Variants in TLE1 observed in about 807,000 individuals in gnomAD.
TLE1 encodes the protein transducin-like enhancer protein 1.
TLE1 carries 21 observed loss-of-function variants against 89.8 expected under a neutral mutation model. The observed-to-expected ratio is 0.23, with a 90% CI of 0.17 to 0.34. The LOEUF is 0.34. Ranked by LOEUF, TLE1 falls within the 10% of genes least tolerant of loss-of-function variation. The pLI is 1.00. For synonymous variants in TLE1, 447 were observed against 407.6 expected (o/e 1.10, Z -1.16); for missense variants, 795 against 1,031.2 (o/e 0.77, Z 3.14).
chr9:81,681,503 CTG>C (rs1434124246), intron 4 of TLE1, among the ~76,000 whole-genome samples: 1 of 151,490 alleles, frequency 6.6e-6, no homozygotes, highest in Non-Finnish European at 1.5e-5. Flanking sequence ...TGAGCCGAGA[CTG>C]TGCCACCACA....
At chr9:81,635,548 C>T (rs1239776788) in intron 6 of TLE1, among the ~76,000 whole-genome samples, 1 of 152,162 alleles carries the variant, frequency 6.6e-6, no homozygotes, top group Non-Finnish European at 1.5e-5. Context: ...CAATATAAAA[C>T]TTATTTTTGA....
In TLE1 at chr9:81,611,538, C is replaced by A. The variant is rs895606102; in HGVS notation, c.1254+231G>T. On this transcript the variant is annotated intron_variant, in intron 13 of 19. Coordinates refer to ENST00000376499, the MANE Select transcript of TLE1 (RefSeq NM_005077.5). ...ACACTGCCTTTTTCATCCACAAAAACACTAAAACAAAAAACGTTTGGCCCT... is the reference window on the plus strand; with the variant it reads ...ACACTGCCTTTTTCATCCACAAAAAAACTAAAACAAAAAACGTTTGGCCCT... 7.9e-5 allele frequency among the ~76,000 whole-genome samples: 12 copies of A among 152,218 alleles called. 1 individual carries two copies. The highest frequency in any genetic ancestry group is 7.2e-4 in the Admixed American group (11 of 15,284).
intron 2 of TLE1, 41 bp downstream of exon 2, chr9:81,687,293 G>A (rs764003346): frequency 5.0e-5 from 78 of 1,555,396 alleles, no homozygotes; most frequent in Non-Finnish European, 6.4e-5. Context: ...AGGGGCACCG[G>A]GACGCCCGCG....
chr9:81,587,886 G>A (rs1295091953), intron 16 of TLE1, 58 bp from the exon 17 acceptor site: 3 of 1,597,702 alleles, frequency 1.9e-6, no homozygotes, highest in Non-Finnish European at 2.6e-6. Context: ...GGTAAACACT[G>A]TTGTGTTGTT....
At chr9:81,616,743 T>G in intron 9 of TLE1, 44 bp from the exon 10 acceptor site, 1 of 1,608,256 alleles carries the variant, frequency 6.2e-7, no homozygotes, top group Non-Finnish European at 8.5e-7. Context: ...AAGCTAAGAA[T>G]AGGTTTGAGG....
chr9:81,585,217 C>A (rs56321152), intron 18 of TLE1, among the ~76,000 whole-genome samples: 7,713 of 152,166 alleles, frequency 0.051, 261 homozygotes, highest in Middle Eastern at 0.12. Flanking sequence ...TTCCCGCCCA[C>A]CCCTCTTCAG....
intron 14 of TLE1, among the ~76,000 whole-genome samples, chr9:81,595,882 G>C (rs1170237876): frequency 1.3e-5 from 2 of 151,878 alleles, no homozygotes; most frequent in Admixed American, 1.3e-4. Context: ...TTAAAGGATG[G>C]TGTTTAAGAT....
intron 11 of TLE1, among the ~76,000 whole-genome samples, chr9:81,614,903 G>T (rs1021391361): frequency 6.6e-6 from 1 of 151,094 alleles, no homozygotes; most frequent in Non-Finnish European, 1.5e-5. Context: ...TAAGAATCTC[G>T]GAAGTTTGAG....
intron 4 of TLE1, among the ~76,000 whole-genome samples, chr9:81,679,233 C>A (rs1013481771): frequency 6.6e-6 from 1 of 152,106 alleles, no homozygotes; most frequent in African/African-American, 2.4e-5. Context: ...TCAACACTTC[C>A]TGGATTTTCA....
rs562533382 is a variant in TLE1 at position 81,588,344 on chromosome 9, C to T, written c.1830-516G>A. Among the ~76,000 whole-genome samples, 17 of 152,242 alleles carry T rather than the reference C, an allele frequency of 1.1e-4. No individual in the cohort carries two copies. In the South Asian group the frequency reaches 2.9e-3, roughly 26 times the overall value. On this transcript the variant is annotated intron_variant, in intron 16 of 19. Coordinates refer to ENST00000376499, the MANE Select transcript of TLE1 (RefSeq NM_005077.5). ...AGTGAATCAACACAGCAATGCCCTA[C>T]GTGCCAACAGAGCATGAGCTCATGT...
At chr9:81,679,318 T>C (rs1833307981) in intron 4 of TLE1, among the ~76,000 whole-genome samples, 1 of 152,112 alleles carries the variant, frequency 6.6e-6, no homozygotes, top group Non-Finnish European at 1.5e-5. Context: ...TTTTTCTTTT[T>C]TTTTCCCCTG....
At chr9:81,632,870 G>A (rs943108387) in intron 8 of TLE1, among the ~76,000 whole-genome samples, 15 of 152,202 alleles carry the variant, frequency 9.9e-5, no homozygotes, top group African/African-American at 3.6e-4. Flanking sequence ...CAACCAAGAT[G>A]CATTCACAGA....
intron 15 of TLE1, among the ~76,000 whole-genome samples, chr9:81,592,452 G>A (rs912974727): frequency 6.6e-6 from 1 of 152,202 alleles, no homozygotes; most frequent in African/African-American, 2.4e-5. Context: ...AGCGGACGTG[G>A]CTTAGGTACT....
At chr9:81,605,555 T>C (rs1433406002) in intron 14 of TLE1, among the ~76,000 whole-genome samples, 1 of 152,166 alleles carries the variant, frequency 6.6e-6, no homozygotes, top group African/African-American at 2.4e-5. Flanking sequence ...TTAATAGATA[T>C]GGGCAGTCAT....
intron 14 of TLE1, among the ~76,000 whole-genome samples, chr9:81,596,374 C>A (rs1045966297): frequency 6.6e-6 from 1 of 152,028 alleles, no homozygotes; most frequent in African/African-American, 2.4e-5. Flanking sequence ...TGCTGGAGAG[C>A]CAAATCAAAT....
chr9:81,669,259 A>T (rs1173061771), intron 4 of TLE1, among the ~76,000 whole-genome samples: 1 of 152,224 alleles, frequency 6.6e-6, no homozygotes, highest in Admixed American at 6.5e-5. Flanking sequence ...GGCTGTGAGA[A>T]CGCTGCAAAT....
chr9:81,606,843 G>A (rs1831739136), intron 14 of TLE1, among the ~76,000 whole-genome samples: 1 of 151,196 alleles, frequency 6.6e-6, no homozygotes, highest in Admixed American at 6.6e-5. Flanking sequence ...CCAGATCCTG[G>A]CAACAATGGC....
At chr9:81,595,915 C>G (rs970863070) in intron 14 of TLE1, among the ~76,000 whole-genome samples, 1 of 151,896 alleles carries the variant, frequency 6.6e-6, no homozygotes, top group Non-Finnish European at 1.5e-5. Flanking sequence ...TCTCAAAGAT[C>G]TCGGTGCCAT....
chr9:81,655,931 G>T (rs898850704), intron 4 of TLE1, among the ~76,000 whole-genome samples: 3 of 151,824 alleles, frequency 2.0e-5, no homozygotes, highest in Non-Finnish European at 4.4e-5. Context: ...CAGCAGCCTT[G>T]TATCTTCTAA....
Sources: gnomAD v4.1 joint callset for allele counts (sites outside exome capture counted in the v4.1 genomes callset) on GRCh38, gnomAD v4.1.1 for gene constraint, MANE v1.5 for transcripts, NCBI Gene and HGNC (gene_info 2026-07-23, HGNC 2026-07-21) for gene names.